The following RCAN2 variants were observed in gnomAD, a reference collection of about 807,000 sequenced individuals.
RCAN2 encodes calcipressin-2.
In RCAN2, 9 loss-of-function variants were observed where a neutral mutation model predicts 23.6. The ratio of observed to expected loss-of-function variants is 0.38; its 90% CI spans 0.23 to 0.67. The LOEUF is 0.67. Ranked by LOEUF, RCAN2 falls within the 30% of genes least tolerant of loss-of-function variation. RCAN2 has a pLI of 0.51. For synonymous variants in RCAN2, 109 were observed against 115.7 expected, an observed-to-expected ratio of 0.94 and a Z score of 0.37; for missense variants, 273 against 302.3, an observed-to-expected ratio of 0.90 and a Z score of 0.72.
intron 1 of RCAN2, among the ~76,000 whole-genome samples, chr6:46,490,066 T>C (rs775711794): frequency 2.0e-5 from 3 of 152,196 alleles, no homozygotes; most frequent in Non-Finnish European, 2.9e-5. Context: ...TGGTACCTTG[T>C]GGTACATTTG....
intron 2 of RCAN2, among the ~76,000 whole-genome samples, chr6:46,432,267 G>T (rs1333696300): frequency 6.6e-6 from 1 of 152,074 alleles, no homozygotes; most frequent in Non-Finnish European, 1.5e-5. Context: ...AGGCTGGTGT[G>T]CAATAGTGCA....
intron 2 of RCAN2, among the ~76,000 whole-genome samples, chr6:46,354,874 A>G (rs1371762384): frequency 6.6e-6 from 1 of 151,572 alleles, no homozygotes; most frequent in Non-Finnish European, 1.5e-5. Context: ...ACCTGCAGAG[A>G]CTTCTCAGGA....
At chr6:46,372,141 C>T (rs1172266650) in intron 2 of RCAN2, among the ~76,000 whole-genome samples, 1 of 152,116 alleles carries the variant, frequency 6.6e-6, no homozygotes. Context: ...TTCCAGATGG[C>T]ATGCTCATGG....
intron 2 of RCAN2, among the ~76,000 whole-genome samples, chr6:46,285,607 C>T (rs575022506): frequency 2.0e-5 from 3 of 152,272 alleles, no homozygotes; most frequent in Non-Finnish European, 4.4e-5. Flanking sequence ...AAGGTAAGTA[C>T]ATCCTGAATT....
intron 2 of RCAN2, among the ~76,000 whole-genome samples, chr6:46,282,098 A>T (rs1027178905): frequency 3.9e-5 from 6 of 152,236 alleles, no homozygotes; most frequent in African/African-American, 1.4e-4. Context: ...AAATGTTTTA[A>T]TTGCATAGAA....
At chr6:46,392,088 CA>C (rs1181940031) in intron 2 of RCAN2, among the ~76,000 whole-genome samples, 1 of 152,152 alleles carries the variant, frequency 6.6e-6, no homozygotes, top group Non-Finnish European at 1.5e-5. Context: ...GCTTAATAGG[CA>C]ACCATATGCT....
At chr6:46,278,985 G>A (rs905924673) in intron 2 of RCAN2, among the ~76,000 whole-genome samples, 4 of 152,152 alleles carry the variant, frequency 2.6e-5, no homozygotes, top group Non-Finnish European at 4.4e-5. Context: ...TACCAGACAA[G>A]TTAACCAGAA....
intron 2 of RCAN2, among the ~76,000 whole-genome samples, chr6:46,403,473 G>A (rs1231956113): frequency 2.6e-5 from 4 of 151,880 alleles, no homozygotes; most frequent in Non-Finnish European, 5.9e-5. Context: ...TTGGGAGGCT[G>A]AGGCAGGAGA....
intron 4 of RCAN2, among the ~76,000 whole-genome samples, chr6:46,224,784 T>C (rs551033357): frequency 2.7e-5 from 4 of 148,770 alleles, no homozygotes; most frequent in Non-Finnish European, 4.4e-5. Flanking sequence ...TTTCACAAGG[T>C]ACAGTTTTTT....
intron 2 of RCAN2, among the ~76,000 whole-genome samples, chr6:46,361,197 G>A (rs1001326977): frequency 5.9e-5 from 9 of 152,196 alleles, no homozygotes; most frequent in Admixed American, 3.3e-4. Context: ...AAGTGACATG[G>A]AGAACTCTAT....
chr6:46,427,142 T>C (rs533026887), intron 2 of RCAN2, among the ~76,000 whole-genome samples: 2 of 152,290 alleles, frequency 1.3e-5, no homozygotes, highest in East Asian at 3.9e-4. Context: ...ATAACTGGAA[T>C]TTAGAATGAC....
intron 2 of RCAN2, among the ~76,000 whole-genome samples, chr6:46,410,270 T>G (rs531948545): frequency 6.6e-6 from 1 of 152,336 alleles, no homozygotes; most frequent in African/African-American, 2.4e-5. Flanking sequence ...AGGTCCATCA[T>G]GGGACTTAGC....
At chr6:46,439,370 C>T (rs1582202798) in intron 2 of RCAN2, among the ~76,000 whole-genome samples, 1 of 152,176 alleles carries the variant, frequency 6.6e-6, no homozygotes, top group African/African-American at 2.4e-5. Flanking sequence ...AAAAGGAAGT[C>T]ATTCCTAGTG....
At chr6:46,465,816 AG>A (rs1282757568) in intron 1 of RCAN2, among the ~76,000 whole-genome samples, 1 of 152,242 alleles carries the variant, frequency 6.6e-6, no homozygotes, top group East Asian at 1.9e-4. Context: ...TCTGGGATCA[AG>A]TAAAGATAAC....
intron 2 of RCAN2, among the ~76,000 whole-genome samples, chr6:46,450,670 G>A (rs534380589): frequency 6.6e-6 from 1 of 152,118 alleles, no homozygotes; most frequent in South Asian, 2.1e-4. Context: ...TATGTTAAGT[G>A]AAATAAGCCA....
At chr6:46,296,471 C>G (rs1256720668) in intron 2 of RCAN2, among the ~76,000 whole-genome samples, 1 of 152,018 alleles carries the variant, frequency 6.6e-6, no homozygotes, top group Non-Finnish European at 1.5e-5. Flanking sequence ...TTTAAAGATA[C>G]CTAATAAATA....
At chr6:46,372,014 T>C (rs1448074435) in intron 2 of RCAN2, among the ~76,000 whole-genome samples, 1 of 152,184 alleles carries the variant, frequency 6.6e-6, no homozygotes, top group Non-Finnish European at 1.5e-5. Flanking sequence ...AGAAACCAAA[T>C]GGGCTGAACC....
At chr6:46,481,370 A>G (rs4714940) in intron 1 of RCAN2, among the ~76,000 whole-genome samples, 151,951 of 152,306 alleles carry the variant, frequency 1, 75,800 homozygotes, top group East Asian at 1. Context: ...AAAGAGTGAT[A>G]GCTCTTTTGA....
chr6:46,451,700 T>C (rs1474727516), intron 2 of RCAN2, among the ~76,000 whole-genome samples: 2 of 152,138 alleles, frequency 1.3e-5, no homozygotes, highest in Non-Finnish European at 2.9e-5. Flanking sequence ...AAGAAGAAAT[T>C]GGTTCAGATT....
Sources: allele counts gnomAD v4.1 joint callset (sites outside exome capture counted in the v4.1 genomes callset), GRCh38; gene constraint gnomAD v4.1.1; transcripts MANE v1.5; gene names NCBI Gene and HGNC (gene_info 2026-07-23, HGNC 2026-07-21).